The following RARS2 variants were observed in gnomAD, a reference collection of about 807,000 sequenced individuals.
The protein encoded by RARS2 is probable arginine--tRNA ligase, mitochondrial.
In RARS2, 67 loss-of-function variants were observed where a neutral mutation model predicts 88.5. The observed-to-expected ratio is 0.76, with a 90% CI of 0.62 to 0.93. RARS2 has a LOEUF of 0.93. RARS2 is among the 40% of genes least tolerant of loss of function. RARS2 has a pLI of 0.00. For synonymous variants in RARS2, 239 were observed against 230.3 expected, an observed-to-expected ratio of 1.04 and a Z score of -0.34; for missense variants, 664 against 684.2, an observed-to-expected ratio of 0.97 and a Z score of 0.33.
intron 1 of RARS2, among the ~76,000 whole-genome samples, chr6:87,574,361 G>C (rs556201843): frequency 6.6e-6 from 1 of 152,314 alleles, no homozygotes; most frequent in East Asian, 1.9e-4. Flanking sequence ...ACTAGAGAGA[G>C]AGACAAAAGA....
intron 1 of RARS2, among the ~76,000 whole-genome samples, chr6:87,573,896 C>G (rs769877196): frequency 5.9e-5 from 9 of 152,146 alleles, no homozygotes; most frequent in African/African-American, 9.7e-5. Context: ...AGTTGATAGT[C>G]AAGTAAAAAT....
intron 8 of RARS2, among the ~76,000 whole-genome samples, chr6:87,536,759 TA>T (rs1011806034): frequency 1.3e-5 from 2 of 151,756 alleles, no homozygotes; most frequent in Admixed American, 6.6e-5. Context: ...GAATTCTAAA[TA>T]AAAAAAATAT....
chr6:87,527,105 T>C (rs1339016002), intron 10 of RARS2, among the ~76,000 whole-genome samples: 1 of 151,880 alleles, frequency 6.6e-6, no homozygotes, highest in Admixed American at 6.5e-5. Flanking sequence ...GGTCAGGAGA[T>C]TGAGATCATC....
At chr6:87,580,720 A>G (rs186682218) in intron 1 of RARS2, among the ~76,000 whole-genome samples, 2 of 152,078 alleles carry the variant, frequency 1.3e-5, no homozygotes, top group East Asian at 3.9e-4. Flanking sequence ...AGCCTCCCAA[A>G]GCGCTGAAAT....
intron 1 of RARS2, chr6:87,589,589 T>C (rs1179957676): frequency 1.1e-5 from 9 of 848,012 alleles, no homozygotes; most frequent in Non-Finnish European, 1.3e-5. Context: ...GTCACTAAAG[T>C]GTAAAGAACA....
At chr6:87,521,933 T>A (rs898165048) in intron 11 of RARS2, among the ~76,000 whole-genome samples, 5 of 152,164 alleles carry the variant, frequency 3.3e-5, no homozygotes, top group Non-Finnish European at 7.3e-5. Flanking sequence ...AAAATATAGA[T>A]GATGTAGTAA....
At chr6:87,564,336 A>G (rs1384450985) in intron 2 of RARS2, 104 bp from the exon 3 acceptor site, 1 of 851,556 alleles carries the variant, frequency 1.2e-6, no homozygotes, top group African/African-American at 1.7e-5. Flanking sequence ...TACCTTTACC[A>G]GAAGAAGGTG....
At chr6:87,519,870 G>A (rs184259538) in intron 13 of RARS2, among the ~76,000 whole-genome samples, 163 bp from the exon 14 acceptor site, 14 of 152,298 alleles carry the variant, frequency 9.2e-5, no homozygotes, top group Non-Finnish European at 2.1e-4. Context: ...AGGACGTTAA[G>A]CACAGCTTCA....
intron 1 of RARS2, among the ~76,000 whole-genome samples, chr6:87,575,837 A>G (rs1313058633): frequency 1.3e-5 from 2 of 149,784 alleles, no homozygotes; most frequent in South Asian, 2.1e-4. Context: ...TTTTTTTGAG[A>G]TGGAGTTTCG....
At chr6:87,539,391 G>A (rs34727395) in intron 8 of RARS2, among the ~76,000 whole-genome samples, 9,606 of 152,246 alleles carry the variant, frequency 0.063, 371 homozygotes, top group African/African-American at 0.11. Context: ...TCTGCTAGCC[G>A]TAATAAAGAA....
At chr6:87,528,098 A>G (rs1484052092) in intron 10 of RARS2, among the ~76,000 whole-genome samples, 1 of 152,092 alleles carries the variant, frequency 6.6e-6, no homozygotes, top group Admixed American at 6.6e-5. Context: ...AGACCCGTAT[A>G]GACATTTCTC....
chr6:87,586,375 G>A (rs1217384555), intron 1 of RARS2, among the ~76,000 whole-genome samples: 3 of 152,042 alleles, frequency 2.0e-5, no homozygotes, highest in Non-Finnish European at 1.5e-5. Flanking sequence ...TGCAATACCT[G>A]ACCTCTCCCC....
At chr6:87,551,324 G>A (rs925046537) in intron 5 of RARS2, among the ~76,000 whole-genome samples, 8 of 151,820 alleles carry the variant, frequency 5.3e-5, no homozygotes, top group Non-Finnish European at 7.4e-5. Flanking sequence ...TGTTAAGAAG[G>A]GACAGATAAC....
At chr6:87,558,823 A>T (rs1786883108) in intron 4 of RARS2, among the ~76,000 whole-genome samples, 1 of 152,238 alleles carries the variant, frequency 6.6e-6, no homozygotes, top group Admixed American at 6.5e-5. Flanking sequence ...TAAAATCATA[A>T]TTTTAAAGTG....
chr6:87,548,499 A>G, intron 6 of RARS2, 92 bp downstream of exon 6: 1 of 1,287,618 alleles, frequency 7.8e-7, no homozygotes, highest in Non-Finnish European at 1.1e-6. Context: ...GTTTTTTGCT[A>G]TTTTGTTATT....
chr6:87,557,145 G>C (rs980267676), intron 4 of RARS2, among the ~76,000 whole-genome samples: 2 of 151,994 alleles, frequency 1.3e-5, no homozygotes, highest in African/African-American at 4.8e-5. Flanking sequence ...TTGTCTTTAA[G>C]CCTCATAATC....
chr6:87,551,049 CAAAA>C (rs962888732), intron 5 of RARS2, among the ~76,000 whole-genome samples: 18 of 150,858 alleles, frequency 1.2e-4, no homozygotes, highest in Non-Finnish European at 1.5e-5. Context: ...AAAACAAAAA[CAAAA>C]AAAAACTTTC....
Position 87,523,132 on chromosome 6 carries a change from T to C in RARS2, c.974+1425A>G, listed in dbSNP as rs1357565010. Among the ~76,000 whole-genome samples, 3 of 152,208 alleles carry C rather than the reference T, an allele frequency of 2.0e-5. No individual in the cohort carries two copies. In the East Asian group the frequency reaches 5.8e-4, roughly 29 times the overall value. On this transcript the variant is annotated intron_variant, in intron 11 of 19. Transcript: ENST00000369536. Reference sequence around the variant, plus strand: ...CAAATAGACACCTGTTATATTTTTTTGGTTTAAGATAAGGACAAAACAAAG... The same window carrying C: ...CAAATAGACACCTGTTATATTTTTTCGGTTTAAGATAAGGACAAAACAAAG...
chr6:87,542,509 A>G (rs1366625645), intron 7 of RARS2, among the ~76,000 whole-genome samples: 1 of 152,218 alleles, frequency 6.6e-6, no homozygotes, highest in Non-Finnish European at 1.5e-5. Context: ...GGAGGAAAAC[A>G]GCAAGGTAAA....
Sources: gnomAD v4.1 joint callset for allele counts (sites outside exome capture counted in the v4.1 genomes callset) on GRCh38, gnomAD v4.1.1 for gene constraint, MANE v1.5 for transcripts, NCBI Gene and HGNC (gene_info 2026-07-23, HGNC 2026-07-21) for gene names.